The following YBX3 variants were observed in gnomAD, a reference collection of about 807,000 sequenced individuals.
The protein encoded by YBX3 is Y-box-binding protein 3.
Under a neutral mutation model 42.4 loss-of-function variants are expected in YBX3, and 29 were observed. The ratio of observed to expected loss-of-function variants is 0.68; its 90% CI spans 0.51 to 0.93. YBX3 has a LOEUF of 0.93. YBX3 is among the 40% of genes least tolerant of loss of function. The pLI, the probability that YBX3 is intolerant of heterozygous loss-of-function variation, is 0.00. For synonymous variants in YBX3, 195 were observed against 189.8 expected (o/e 1.03, Z -0.22); for missense variants, 517 against 527.5 (o/e 0.98, Z 0.19).
chr12:10,709,936 C>T lies in YBX3; in HGVS notation c.752G>A (p.Arg251Gln), dbSNP rs964175437. The change falls in exon 6 of 10, where the codon CGG becomes CAG. Residue 251 changes from arginine to glutamine, a missense_variant. This residue lies in a region of YBX3 where 420 missense variants were observed against 408.5 expected (regional missense o/e 1.03). Transcript: ENST00000228251. ...HVGQTFDRRS[R>Q]VLPHPNRIQA... Reference sequence around the variant, plus strand: ...TATTCTGTTGGGATGGGGTAAGACCCGTGAGCGACGGTCAAAGGTCTGTCC... The same window carrying T: ...TATTCTGTTGGGATGGGGTAAGACCTGTGAGCGACGGTCAAAGGTCTGTCC... The T allele has an allele frequency of 3.7e-5, 60 of 1,613,996 alleles. No homozygotes were observed. Among genetic ancestry groups the T allele is most frequent in the Non-Finnish European group, 4.5e-5 (53 of 1,180,044 alleles).
intron 7 of YBX3, 145 bp from the exon 8 acceptor site, chr12:10,702,279 A>G (rs3782670): frequency 0.32 from 218,749 of 693,290 alleles, 36,208 homozygotes; most frequent in East Asian, 0.61. Flanking sequence ...CCAGCACTTC[A>G]GGAGGCTGAG....
chr12:10,720,108 T>G (rs192183161), intron 1 of YBX3, among the ~76,000 whole-genome samples: 1 of 152,222 alleles, frequency 6.6e-6, no homozygotes, highest in Admixed American at 6.5e-5. Context: ...AACCTGATAA[T>G]AGATTACCTT....
At chr12:10,717,927 C>T (rs1948280892) in intron 3 of YBX3, 161 bp downstream of exon 3, 3 of 494,120 alleles carry the variant, frequency 6.1e-6, no homozygotes, top group South Asian at 5.5e-5. Flanking sequence ...AACTTATTTG[C>T]CAATCTTAAA....
chr12:10,719,210 A>T (rs569262495), intron 1 of YBX3, 67 bp from the exon 2 acceptor site: 1 of 1,342,690 alleles, frequency 7.4e-7, no homozygotes, highest in Non-Finnish European at 1.1e-6. Context: ...TATCACTAAG[A>T]TCTTGATAAC....
At chr12:10,699,971 T>C (rs1372056651) in intron 9 of YBX3, among the ~76,000 whole-genome samples, 2 of 152,170 alleles carry the variant, frequency 1.3e-5, no homozygotes, top group Non-Finnish European at 2.9e-5. Flanking sequence ...TATCTCCTAA[T>C]ATGAATATAT....
In YBX3 at chr12:10,722,981, G is replaced by C. The variant is rs1478884845; in HGVS notation, c.131C>G (p.Ala44Gly). ...GACGTGGGCGGCGGGCGCCGGGGCC[G>C]CGGCCTGGGGCGCACCGCTGCCCAC... ...SPVGSGAPQA[A>G]APAPAAHVAG... Residue 44 changes from alanine (A) to glycine (G), a missense_variant, in exon 1 of 10, where the codon GCG (alanine) becomes GGG (glycine). Ala to Gly is a moderately conservative substitution (Grantham distance 60). Transcript: ENST00000228251. 7 of 1,224,778 alleles carry C rather than the reference G, an allele frequency of 5.7e-6. No individual in the cohort carries two copies. In the South Asian group the frequency reaches 1.2e-4, roughly 21 times the overall value. 75.9% of individuals were successfully genotyped at this position (1,224,778 alleles called of 1,614,324 possible).
chr12:10,714,762 CTTT>C (rs202076071), intron 4 of YBX3, among the ~76,000 whole-genome samples: 2 of 145,436 alleles, frequency 1.4e-5, no homozygotes, highest in East Asian at 4.0e-4. Flanking sequence ...TTTTTCTTTT[CTTT>C]TTTTTTTTTT....
chr12:10,709,297 A>C (rs1035650227), intron 6 of YBX3, among the ~76,000 whole-genome samples: 1 of 152,210 alleles, frequency 6.6e-6, no homozygotes, highest in Non-Finnish European at 1.5e-5. Flanking sequence ...TTTATTAAGC[A>C]CAAAACAAAC....
intron 4 of YBX3, 40 bp from the exon 5 acceptor site, chr12:10,713,373 A>T (rs879115939): frequency 3.7e-6 from 6 of 1,601,952 alleles, no homozygotes; most frequent in South Asian, 1.1e-5. Context: ...AATTAAAAAG[A>T]ATATACACTA....
At chr12:10,712,333 T>C (rs1415895223) in intron 5 of YBX3, 1 of 152,170 alleles carries the variant, frequency 6.6e-6, no homozygotes, top group Non-Finnish European at 1.5e-5. Context: ...ACCACAAATA[T>C]ACTGGGTCCG....
intron 3 of YBX3, among the ~76,000 whole-genome samples, chr12:10,716,345 C>T (rs920204966): frequency 3.9e-5 from 6 of 152,104 alleles, no homozygotes; most frequent in Non-Finnish European, 7.4e-5. Context: ...CCGTAACAGC[C>T]CCAGGGATGA....
At chr12:10,718,404 T>G (rs1200825005) in intron 2 of YBX3, 2 of 324,596 alleles carry the variant, frequency 6.2e-6, no homozygotes, top group African/African-American at 2.1e-5. Flanking sequence ...TCACATGGTG[T>G]GTAATCAGAG....
At chr12:10,714,359 C>G (rs1176134207) in intron 4 of YBX3, among the ~76,000 whole-genome samples, 5 of 152,170 alleles carry the variant, frequency 3.3e-5, no homozygotes, top group Non-Finnish European at 5.9e-5. Flanking sequence ...GCTGCCATGG[C>G]AGTTGTGCTA....
At chr12:10,710,380 C>T (rs1340608726) in intron 5 of YBX3, 1 of 1,369,276 alleles carries the variant, frequency 7.3e-7, no homozygotes, top group Non-Finnish European at 9.4e-7. Context: ...ATAGTCATCT[C>T]ATTAGAACTC....
At position 10,710,646 on chromosome 12, in the gene YBX3, C is replaced by G. The variant is rs765974490; in HGVS notation, c.574-532G>C. The G allele has an allele frequency of 2.6e-4, 295 of 1,152,196 alleles. 2 individuals are homozygous for G. The highest frequency in any genetic ancestry group is 3.2e-4 in the Non-Finnish European group (276 of 865,826). The allele number at this position is 1,152,196 out of a possible 1,614,324, so 71.4% of individuals were successfully genotyped here. A position where few individuals can be genotyped will look rare whatever the true frequency, so the allele number is the denominator to read the frequency against. ...CTATTGCCATAATATTACTAAGATG[C>G]TATTTGCCTTTCCCAGGCATTCTCT... On this transcript the variant is annotated intron_variant, in intron 5 of 9. Transcript: ENST00000228251.
intron 7 of YBX3, 66 bp from the exon 8 acceptor site, chr12:10,702,200 TTTTA>T (rs1332323259): frequency 6.9e-7 from 1 of 1,452,880 alleles, no homozygotes; most frequent in East Asian, 2.5e-5. Flanking sequence ...GAAAATAAGG[TTTTA>T]TTTATTTTTA....
chr12:10,719,378 A>G (rs1948299800), intron 1 of YBX3, among the ~76,000 whole-genome samples: 1 of 152,236 alleles, frequency 6.6e-6, no homozygotes, highest in African/African-American at 2.4e-5. Context: ...AACTCGCAAG[A>G]TAAGGAGTGG....
At chr12:10,709,435 T>G (rs190062240) in intron 6 of YBX3, among the ~76,000 whole-genome samples, 17 of 152,370 alleles carry the variant, frequency 1.1e-4, no homozygotes, top group Admixed American at 8.5e-4. Context: ...AAATGTTATT[T>G]ATGCTGCAGG....
Position 10,709,989 on chromosome 12 carries a change from C to T in YBX3, c.699G>A (p.Arg233=), listed in dbSNP as rs772781595. The change falls in exon 6 of 10, where the codon CGG becomes CGA. Residue 233 remains arginine, a synonymous_variant. Coordinates refer to ENST00000228251, the MANE Select transcript of YBX3 (RefSeq NM_003651.5). ...CGTGGTAAGGCGGGAACCGCCGCTG[C>T]CGGTACTGAGGGCGATACTGGGGGC... The part of the protein sequence containing the change: ...LRRPQYRPQY[R]QRRFPPYHVG... The T allele has an allele frequency of 2.5e-6, 4 of 1,614,164 alleles. No homozygotes were observed. The highest frequency in any genetic ancestry group is 3.4e-6 in the Non-Finnish European group (4 of 1,179,988).
Sources: gnomAD v4.1 joint callset for allele counts (sites outside exome capture counted in the v4.1 genomes callset) on GRCh38, gnomAD v4.1.1 for gene constraint, gnomAD v4.1.1 regional missense constraint, MANE v1.5 for transcripts, NCBI Gene and HGNC (gene_info 2026-07-23, HGNC 2026-07-21) for gene names.